The following LDLRAD4 variants were observed in gnomAD, a reference collection of about 807,000 sequenced individuals.
LDLRAD4 encodes the protein low-density lipoprotein receptor class A domain-containing protein 4.
A neutral mutation model predicts 17.0 loss-of-function variants in LDLRAD4; 5 were observed. The observed-to-expected ratio is 0.29, with a 90% CI of 0.15 to 0.62. LDLRAD4 has a LOEUF of 0.62. Among genes scored for constraint, LDLRAD4 ranks in the 20% least tolerant of loss-of-function variants. The pLI, the probability that LDLRAD4 is intolerant of heterozygous loss-of-function variation, is 0.84. For missense variants in LDLRAD4, 340 were observed against 424.7 expected, an observed-to-expected ratio of 0.80 and a Z score of 1.75; for synonymous variants, 168 against 171.8, an observed-to-expected ratio of 0.98 and a Z score of 0.17.
At chr18:13,280,424 C>T (rs1011978334) in intron 1 of LDLRAD4, among the ~76,000 whole-genome samples, 19 of 152,222 alleles carry the variant, frequency 1.2e-4, no homozygotes, top group Non-Finnish European at 2.8e-4. Flanking sequence ...AACATGTTGG[C>T]TGTTATTTTC....
chr18:13,220,138 G>C (rs1441351767), intron 1 of LDLRAD4, among the ~76,000 whole-genome samples: 2 of 152,144 alleles, frequency 1.3e-5, no homozygotes, highest in African/African-American at 4.8e-5. Context: ...TTAAAACAGG[G>C]GGCTAACTTC....
At chr18:13,303,399 C>T (rs1476455064) in intron 1 of LDLRAD4, among the ~76,000 whole-genome samples, 4 of 152,298 alleles carry the variant, frequency 2.6e-5, no homozygotes, top group African/African-American at 9.6e-5. Flanking sequence ...GTGCATGCCA[C>T]CATGCCAGCT....
At chr18:13,568,801 T>C (rs1030301097) in intron 3 of LDLRAD4, among the ~76,000 whole-genome samples, 5 of 152,318 alleles carry the variant, frequency 3.3e-5, no homozygotes, top group Admixed American at 3.3e-4. Flanking sequence ...GGTCTTCCTG[T>C]CTCTTACCTT....
chr18:13,478,918 C>T (rs1404049484), intron 3 of LDLRAD4, among the ~76,000 whole-genome samples: 1 of 152,202 alleles, frequency 6.6e-6, no homozygotes, highest in Non-Finnish European at 1.5e-5. Flanking sequence ...GGCAAAAGAA[C>T]AGACAGATGG....
At chr18:13,554,097 T>C (rs1020471672) in intron 3 of LDLRAD4, among the ~76,000 whole-genome samples, 1 of 152,250 alleles carries the variant, frequency 6.6e-6, no homozygotes, top group Non-Finnish European at 1.5e-5. Flanking sequence ...ATGATCGTAC[T>C]TTCTCTGCTT....
intron 3 of LDLRAD4, among the ~76,000 whole-genome samples, chr18:13,582,252 A>C (rs1013480128): frequency 3.0e-4 from 45 of 152,266 alleles, no homozygotes; most frequent in African/African-American, 1.1e-3. Context: ...TTGCCTTTGA[A>C]TGGCCTAAAA....
At chr18:13,535,423 T>C (rs1190282437) in intron 3 of LDLRAD4, among the ~76,000 whole-genome samples, 19 of 152,228 alleles carry the variant, frequency 1.2e-4, no homozygotes, top group Admixed American at 1.1e-3. Context: ...TGACTAGTGA[T>C]GTTGAGCATC....
At chr18:13,239,436 G>A (rs1160780474) in intron 1 of LDLRAD4, 3 of 152,198 alleles carry the variant, frequency 2.0e-5, no homozygotes, top group Admixed American at 6.5e-5. Flanking sequence ...GATTTCAATA[G>A]CTCCTAAATG....
intron 4 of LDLRAD4, among the ~76,000 whole-genome samples, chr18:13,634,755 A>C (rs1323711081): frequency 1.3e-5 from 2 of 151,798 alleles, no homozygotes; most frequent in Non-Finnish European, 2.9e-5. Context: ...AAGGGACCCT[A>C]AATATCCACA....
intron 3 of LDLRAD4, among the ~76,000 whole-genome samples, chr18:13,516,432 A>G (rs1785155): frequency 0.99 from 151,244 of 152,316 alleles, 75,097 homozygotes; most frequent in Middle Eastern, 1. Context: ...GTGGCACAGT[A>G]CAGATCCAGG....
chr18:13,607,187 A>G (rs781254356), intron 3 of LDLRAD4, among the ~76,000 whole-genome samples: 1 of 152,168 alleles, frequency 6.6e-6, no homozygotes, highest in Non-Finnish European at 1.5e-5. Flanking sequence ...CCCGGCTCCA[A>G]CTCCTAGCTG....
chr18:13,418,881 A>G (rs564236682), intron 2 of LDLRAD4, among the ~76,000 whole-genome samples: 40 of 152,248 alleles, frequency 2.6e-4, no homozygotes, highest in Middle Eastern at 3.4e-3. Flanking sequence ...CCTCCTTTAA[A>G]ATCTTTGTGC....
intron 1 of LDLRAD4, among the ~76,000 whole-genome samples, chr18:13,261,307 T>G (rs1254231867): frequency 6.6e-6 from 1 of 152,212 alleles, no homozygotes; most frequent in Non-Finnish European, 1.5e-5. Context: ...TTCATCTTGT[T>G]TACAAGAAAG....
At chr18:13,451,862 G>A (rs911663262) in intron 3 of LDLRAD4, among the ~76,000 whole-genome samples, 3 of 152,224 alleles carry the variant, frequency 2.0e-5, no homozygotes, top group African/African-American at 7.2e-5. Context: ...CACCTCCTAA[G>A]CTTGTCACTC....
intron 3 of LDLRAD4, among the ~76,000 whole-genome samples, chr18:13,594,306 C>A (rs982043638): frequency 1.4e-4 from 21 of 152,248 alleles, no homozygotes; most frequent in African/African-American, 4.8e-4. Flanking sequence ...GTAGGGATTC[C>A]ACTGTGGGTT....
chr18:13,294,886 A>G (rs1341589670), intron 1 of LDLRAD4, among the ~76,000 whole-genome samples: 1 of 151,892 alleles, frequency 6.6e-6, no homozygotes, highest in Non-Finnish European at 1.5e-5. Context: ...GAGAGACTGT[A>G]TTCTTGCTGG....
chr18:13,557,795 T>A (rs1201113646), intron 3 of LDLRAD4, among the ~76,000 whole-genome samples: 1 of 152,236 alleles, frequency 6.6e-6, no homozygotes, highest in Non-Finnish European at 1.5e-5. Context: ...TATGTGTTAT[T>A]GTCTGTTGTT....
chr18:13,261,341 T>C (rs922560758), intron 1 of LDLRAD4, among the ~76,000 whole-genome samples: 1 of 152,278 alleles, frequency 6.6e-6, no homozygotes, highest in East Asian at 1.9e-4. Context: ...AGCCAAGGAC[T>C]TGATTTCTGG....
At chr18:13,495,883 T>G (rs1459120343) in intron 3 of LDLRAD4, among the ~76,000 whole-genome samples, 1 of 152,206 alleles carries the variant, frequency 6.6e-6, no homozygotes, top group Admixed American at 6.5e-5. Context: ...CATCACCTTC[T>G]AGCTCAGTCG....
Sources: allele counts gnomAD v4.1 joint callset (sites outside exome capture counted in the v4.1 genomes callset), GRCh38; gene constraint gnomAD v4.1.1; transcripts MANE v1.5; gene names NCBI Gene and HGNC (gene_info 2026-07-23, HGNC 2026-07-21).